NLRP12: variants seen among roughly 807,000 people sequenced by gnomAD.
The protein encoded by NLRP12 is NACHT, LRR and PYD domains-containing protein 12.
A neutral mutation model predicts 91.2 loss-of-function variants in NLRP12; 108 were observed. The observed-to-expected ratio is 1.18, with a 90% CI of 1.01 to 1.39. The LOEUF is 1.39. Ranked by LOEUF, NLRP12 falls within the 40% of genes most tolerant of loss-of-function variation. The probability of loss-of-function intolerance (pLI) is 0.00; values close to 1 mark genes in which losing one functional copy is unlikely to be tolerated. For missense variants in NLRP12, 1,530 were observed against 1,352.7 expected, an observed-to-expected ratio of 1.13 and a Z score of -2.06; for synonymous variants, 613 against 566.7, an observed-to-expected ratio of 1.08 and a Z score of -1.16.
chr19:53,820,322 G>T (rs1363454586), intron 1 of NLRP12, among the ~76,000 whole-genome samples: 1 of 152,102 alleles, frequency 6.6e-6, no homozygotes, highest in African/African-American at 2.4e-5. Context: ...CTGAGGTTAG[G>T]AGTTCGAGAC....
In NLRP12 at chr19:53,824,071, G is replaced by T. The variant is rs373357561; in HGVS notation, c.104C>A (p.Ala35Glu). The change falls in exon 1 of 10, where the codon GCG (alanine) becomes GAG (glutamate). Residue 35 changes from alanine to glutamate, a missense_variant. Physicochemically the swap from Ala to Glu is moderately radical, Grantham distance 107. Coordinates refer to ENST00000324134, the MANE Select transcript of NLRP12 (RefSeq NM_144687.4). ...LKKFKLYLGT[A>E]TELGEGKIPW... Reference sequence around the variant, plus strand: ...GATCTTGCCTTCTCCCAGCTCTGTCGCGGTCCCCAGGTATAACTTGAACTT... The same window carrying T: ...GATCTTGCCTTCTCCCAGCTCTGTCTCGGTCCCCAGGTATAACTTGAACTT... 9 of 1,614,066 alleles carry T rather than the reference G, an allele frequency of 5.6e-6. No individual in the cohort carries two copies. Among genetic ancestry groups the T allele is most frequent in the Admixed American group, 1.7e-5 (1 of 59,998 alleles).
chr19:53,807,489 A>G lies in NLRP12; in HGVS notation c.2243+6T>C, dbSNP rs199816769. 32 of 1,613,252 alleles carry G rather than the reference A, an allele frequency of 2.0e-5. No homozygotes were observed. The African/African-American group carries it at 3.9e-4, about 19-fold the overall frequency. On this transcript the variant is annotated splice_donor_region_variant and intron_variant, in intron 4 of 9. Transcript: ENST00000324134. ...ACCTGAAACGCCCAGACCAGCCTGC[A>G]CTCACCTCAGGTTCTGAAGTTTGCA...
chr19:53,816,326 C>T (rs1278018742), intron 1 of NLRP12, among the ~76,000 whole-genome samples: 1 of 151,988 alleles, frequency 6.6e-6, no homozygotes, highest in African/African-American at 2.4e-5. Context: ...CAAAGAACAT[C>T]CTTTTGAAGG....
At chr19:53,794,227 G>C (rs1387542789) in intron 9 of NLRP12, 91 bp from the exon 10 acceptor site, 1 of 893,034 alleles carries the variant, frequency 1.1e-6, no homozygotes, top group African/African-American at 1.6e-5. Context: ...ACCGTGGTAA[G>C]ATAATTCCAT....
chr19:53,820,925 G>A (rs1190720605), intron 1 of NLRP12, among the ~76,000 whole-genome samples: 2 of 151,566 alleles, frequency 1.3e-5, no homozygotes, highest in Admixed American at 6.6e-5. Flanking sequence ...TGCCACTTCA[G>A]CAATAGCCTA....
Position 53,795,797 on chromosome 19 carries a change from A to C in NLRP12, c.3098+62T>G. Reference sequence around the variant, plus strand: ...ACGTATTTGTCCATCCAGCTTATCTACCCTCATGCTCCCAGCCCAATGTCC... The same window carrying C: ...ACGTATTTGTCCATCCAGCTTATCTCCCCTCATGCTCCCAGCCCAATGTCC... On this transcript the variant is annotated intron_variant, in intron 9 of 9. Transcript: ENST00000324134. 4 of 1,491,064 alleles carry C rather than the reference A, an allele frequency of 2.7e-6. No homozygotes were observed. In the South Asian group the frequency reaches 4.6e-5, roughly 17 times the overall value. 92.4% of individuals were successfully genotyped at this position (1,491,064 alleles called of 1,614,324 possible). A position where few individuals can be genotyped will look rare whatever the true frequency, so the allele number is the denominator to read the frequency against.
chr19:53,811,347 CG>C, intron 2 of NLRP12, 59 bp from the exon 3 acceptor site: 1 of 1,587,418 alleles, frequency 6.3e-7, no homozygotes, highest in Non-Finnish European at 8.6e-7. Context: ...AATGAGTTCA[CG>C]AGGTAAAGCG....
chr19:53,819,512 CAT>C lies in NLRP12; in HGVS notation c.289+4372_289+4373del, dbSNP rs199925252. 1.5e-3 allele frequency among the ~76,000 whole-genome samples: 115 copies of C among 74,536 alleles called. 44 individuals carry two copies. In the East Asian group the frequency reaches 0.026, roughly 17 times the overall value. The allele number at this position is 74,536 out of a possible 152,430, so 48.9% of individuals were successfully genotyped here. ...ATACATATGTGTATATATATGTATACATATGTGTATATATGTGTGTATGTATA... is the reference window on the plus strand; with the variant it reads ...ATACATATGTGTATATATATGTATACATGTGTATATATGTGTGTATGTATA... On this transcript the variant is annotated intron_variant, in intron 1 of 9. Transcript: ENST00000324134.
At chr19:53,816,205 C>T (rs1169293108) in intron 1 of NLRP12, among the ~76,000 whole-genome samples, 1 of 152,064 alleles carries the variant, frequency 6.6e-6, no homozygotes, top group African/African-American at 2.4e-5. Context: ...GAAAGTCTTC[C>T]CACCTGGCTA....
chr19:53,817,088 G>A (rs913090747), intron 1 of NLRP12, among the ~76,000 whole-genome samples: 4 of 148,318 alleles, frequency 2.7e-5, no homozygotes, highest in African/African-American at 4.9e-5. Flanking sequence ...TCAGGAGATC[G>A]AGACCATCCT....
chr19:53,809,628 G>A lies in NLRP12; in HGVS notation c.2031C>T (p.Arg677=), dbSNP rs747097064. The change falls in exon 3 of 10, where the codon CGC becomes CGT. Residue 677 remains arginine, a synonymous_variant. Coordinates refer to ENST00000324134, the MANE Select transcript of NLRP12 (RefSeq NM_144687.4). ...GATYSADGED[R]ARCSAGAHTL... ...TGTGCGCTCCTGCGGAGCACCTCGC[G>A]CGGTCTTCCCCGTCCGCGCTGTAGG... 2.5e-6 allele frequency: 4 copies of A among 1,612,338 alleles called. No individual in the cohort carries two copies. Among genetic ancestry groups the A allele is most frequent in the Non-Finnish European group, 3.4e-6 (4 of 1,179,518 alleles).
Position 53,810,899 on chromosome 19 carries a change from C to T in NLRP12, c.760G>A (p.Glu254Lys). 6.2e-7 allele frequency: 1 copy of T among 1,614,134 alleles called. No homozygotes were observed. Among genetic ancestry groups the T allele is most frequent in the Non-Finnish European group, 8.5e-7 (1 of 1,180,030 alleles). ...FDYLFYINCR[E>K]MNQSATECSM... Reference sequence around the variant, plus strand: ...CATTCCGTGGCACTCTGGTTCATCTCCCTGCAGTTGATGTAGAAGAGATAA... The same window carrying T: ...CATTCCGTGGCACTCTGGTTCATCTTCCTGCAGTTGATGTAGAAGAGATAA... The change falls in exon 3 of 10, where the codon GAG (glutamate) becomes AAG (lysine). Residue 254 changes from glutamate to lysine, a missense_variant. Glu to Lys is a moderately conservative substitution (Grantham distance 56). Transcript: ENST00000324134.
chr19:53,802,063 A>C (rs1306193097), intron 6 of NLRP12, among the ~76,000 whole-genome samples: 2 of 151,858 alleles, frequency 1.3e-5, no homozygotes, highest in Non-Finnish European at 2.9e-5. Context: ...CCCCGTCTCT[A>C]CTAAATACAA....
chr19:53,810,281 C>G lies in NLRP12; in HGVS notation c.1378G>C (p.Gly460Arg). The change falls in exon 3 of 10, where the codon GGG becomes CGG. Residue 460 changes from glycine to arginine, a missense_variant. Physicochemically the swap from Gly to Arg is moderately radical, Grantham distance 125 (BLOSUM62 -2). Transcript: ENST00000324134. ...PRLQPPPNQR[G>R]LCSLAADGLW... ...CCATCTGCCGCCAAGGAGCACAACC[C>G]TCTCTGGTTGGGTGGGGGCTGGAGG... 1.2e-6 allele frequency: 2 copies of G among 1,614,062 alleles called. No homozygotes were observed. The highest frequency in any genetic ancestry group is 1.7e-6 in the Non-Finnish European group (2 of 1,180,034).
At chr19:53,797,524 T>G (rs1039817382) in intron 8 of NLRP12, among the ~76,000 whole-genome samples, 1 of 151,924 alleles carries the variant, frequency 6.6e-6, no homozygotes, top group African/African-American at 2.4e-5. Context: ...GTTCAAGTCA[T>G]TCTCCTGCCT....
chr19:53,813,635 T>C (rs2092114980), intron 2 of NLRP12, among the ~76,000 whole-genome samples: 1 of 151,600 alleles, frequency 6.6e-6, no homozygotes, highest in Non-Finnish European at 1.5e-5. Flanking sequence ...GCCTCTGAAT[T>C]TGACTACTCT....
At position 53,805,322 on chromosome 19, in the gene NLRP12, C is replaced by T. The variant is rs764737123; in HGVS notation, c.2372G>A (p.Cys791Tyr). ...GVGFPGMMLLCEGLRHPQCRL... is the reference protein window; with the variant it reads ...GVGFPGMMLLYEGLRHPQCRL... Reference sequence around the variant, plus strand: ...GCACTGGGGATGCCGCAGGCCCTCGCAAAGCAGCATCATGCCTGGGAATCC... The same window carrying T: ...GCACTGGGGATGCCGCAGGCCCTCGTAAAGCAGCATCATGCCTGGGAATCC... Residue 791 changes from cysteine to tyrosine, a missense_variant, in exon 5 of 10, where the codon TGC becomes TAC. By Grantham distance (194) the Cys-to-Tyr change is radical. Coordinates refer to ENST00000324134, the MANE Select transcript of NLRP12 (RefSeq NM_144687.4). 1 of 1,614,036 alleles carries T rather than the reference C, an allele frequency of 6.2e-7. No homozygotes were observed.
chr19:53,819,457 ATG>A lies in NLRP12; in HGVS notation c.289+4427_289+4428del, dbSNP rs1208045764. On this transcript the variant is annotated intron_variant, in intron 1 of 9. Coordinates refer to ENST00000324134, the MANE Select transcript of NLRP12 (RefSeq NM_144687.4). ...TATATATATATATATATATATATAT[ATG>A]TGTGTGTGTGTGTGTGTGTGTGTGT... 7.6e-3 allele frequency among the ~76,000 whole-genome samples: 35 copies of A among 4,598 alleles called. 8 individuals carry two copies. Among genetic ancestry groups the A allele is most frequent in the Admixed American group, 0.012 (4 of 346 alleles). The allele number at this position is 4,598 out of a possible 152,430, so 3.0% of individuals were successfully genotyped here.
At chr19:53,794,471 C>G (rs1157355847) in intron 9 of NLRP12, among the ~76,000 whole-genome samples, 1 of 146,284 alleles carries the variant, frequency 6.8e-6, no homozygotes, top group Non-Finnish European at 1.5e-5. Context: ...AGGCGCCCAC[C>G]ACCACGCCCG....
Sources: gnomAD v4.1 joint callset for allele counts (sites outside exome capture counted in the v4.1 genomes callset) on GRCh38, gnomAD v4.1.1 for gene constraint, MANE v1.5 for transcripts, NCBI Gene and HGNC (gene_info 2026-07-23, HGNC 2026-07-21) for gene names.